Variants in NR3C2 observed in about 807,000 individuals in gnomAD.
NR3C2 encodes nuclear receptor subfamily 3 group C member 2.
A neutral mutation model predicts 86.4 loss-of-function variants in NR3C2; 15 were observed. The observed-to-expected ratio is 0.17, with a 90% confidence interval of 0.12 to 0.27. The LOEUF (loss-of-function observed/expected upper bound fraction) is 0.27. Ranked by LOEUF, NR3C2 falls within the 10% of genes least tolerant of loss-of-function variation. The pLI, the probability that NR3C2 is intolerant of heterozygous loss-of-function variation, is 1.00. For synonymous variants in NR3C2, 458 were observed against 450.5 expected (o/e 1.02, Z -0.21); for missense variants, 960 against 1,195.6 (o/e 0.80, Z 2.91).
chr4:148,259,503 G>A (rs1428632331), intron 3 of NR3C2, among the ~76,000 whole-genome samples: 3 of 152,162 alleles, frequency 2.0e-5, no homozygotes, highest in Non-Finnish European at 4.4e-5. Flanking sequence ...ACAGGGACCT[G>A]GAGCTTGAAC....
chr4:148,264,630 C>G (rs992467639), intron 2 of NR3C2, among the ~76,000 whole-genome samples: 5 of 152,154 alleles, frequency 3.3e-5, no homozygotes, highest in South Asian at 2.1e-4. Context: ...CACCTCTCCT[C>G]TCTGGGCCAT....
intron 2 of NR3C2, among the ~76,000 whole-genome samples, chr4:148,284,254 A>G (rs1376564088): frequency 6.6e-6 from 1 of 152,100 alleles, no homozygotes; most frequent in Non-Finnish European, 1.5e-5. Flanking sequence ...TGGGGATTCA[A>G]AAATTAGAAG....
At chr4:148,221,123 G>A (rs1486798392) in intron 3 of NR3C2, among the ~76,000 whole-genome samples, 5 of 152,202 alleles carry the variant, frequency 3.3e-5, no homozygotes, top group African/African-American at 7.2e-5. Context: ...CCGCCTCTGC[G>A]ATTATGTTTC....
At chr4:148,125,748 C>G (rs1013617301) in intron 6 of NR3C2, among the ~76,000 whole-genome samples, 1 of 151,928 alleles carries the variant, frequency 6.6e-6, no homozygotes. Context: ...ATGTGTCAAT[C>G]TTTGCTAAGC....
chr4:148,364,967 C>T (rs949668791), intron 2 of NR3C2, among the ~76,000 whole-genome samples: 2 of 152,120 alleles, frequency 1.3e-5, no homozygotes, highest in Non-Finnish European at 2.9e-5. Flanking sequence ...TAATTTTGTG[C>T]ATGAAACAAA....
intron 3 of NR3C2, among the ~76,000 whole-genome samples, chr4:148,215,920 T>C (rs555625520): frequency 2.6e-5 from 4 of 151,806 alleles, no homozygotes; most frequent in East Asian, 1.9e-4. Context: ...GCTGGGACTA[T>C]AGGCGCCCAC....
intron 2 of NR3C2, among the ~76,000 whole-genome samples, chr4:148,412,485 G>C (rs1027230619): frequency 2.6e-5 from 4 of 152,072 alleles, no homozygotes; most frequent in Non-Finnish European, 5.9e-5. Context: ...TTCAGATTTA[G>C]CCTTTCAATA....
chr4:148,269,642 A>C (rs528938776), intron 2 of NR3C2, among the ~76,000 whole-genome samples: 33 of 152,194 alleles, frequency 2.2e-4, no homozygotes, highest in Middle Eastern at 3.4e-3. Flanking sequence ...AACAACAAAA[A>C]ACCCCCCCAA....
In NR3C2 at chr4:148,295,024, T is replaced by C. The variant is rs57841317; in HGVS notation, c.1758-34907A>G. On this transcript the variant is annotated intron_variant, in intron 2 of 8. Coordinates refer to ENST00000358102, the MANE Select transcript of NR3C2 (RefSeq NM_000901.5). ...AATAAAAATCTACTTTCTAGTACCA[T>C]TAATCAGATGATGATGAAATAAGCA... 4.5e-3 allele frequency among the ~76,000 whole-genome samples: 684 copies of C among 152,138 alleles called. 5 individuals carry two copies. The highest frequency in any genetic ancestry group is 0.016 in the African/African-American group (656 of 41,514).
intron 4 of NR3C2, among the ~76,000 whole-genome samples, chr4:148,179,461 G>C (rs1735547648): frequency 6.6e-6 from 1 of 151,724 alleles, no homozygotes; most frequent in Non-Finnish European, 1.5e-5. Context: ...CAACATCCCT[G>C]AATTTTATAT....
intron 2 of NR3C2, among the ~76,000 whole-genome samples, chr4:148,363,521 T>TTTTTTTTTTTTTTTTTTTTTTTTTTTA (rs1579208008): frequency 6.7e-6 from 1 of 148,236 alleles, no homozygotes; most frequent in African/African-American, 2.5e-5. Context: ...TTTTTTTTTT[T>TTTTTTTTTTTTTTTTTTTTTTTTTTTA]GAGACGGAGT....
At chr4:148,113,878 G>A (rs1732153770) in intron 8 of NR3C2, among the ~76,000 whole-genome samples, 1 of 152,098 alleles carries the variant, frequency 6.6e-6, no homozygotes, top group Non-Finnish European at 1.5e-5. Context: ...TGGTTTTCTG[G>A]CACTACTCTT....
intron 2 of NR3C2, among the ~76,000 whole-genome samples, chr4:148,273,522 GT>G (rs751006376): frequency 1.3e-5 from 2 of 151,728 alleles, no homozygotes; most frequent in Non-Finnish European, 2.9e-5. Context: ...GGCATGTTGG[GT>G]TTTTTTTCTT....
At chr4:148,172,656 T>G (rs2149785178) in intron 4 of NR3C2, among the ~76,000 whole-genome samples, 1 of 152,100 alleles carries the variant, frequency 6.6e-6, no homozygotes, top group Middle Eastern at 3.4e-3. Context: ...TTTAATGGCA[T>G]GTTTGTTTAT....
intron 3 of NR3C2, among the ~76,000 whole-genome samples, chr4:148,244,598 C>T (rs774219133): frequency 1.3e-5 from 2 of 152,158 alleles, no homozygotes; most frequent in African/African-American, 4.8e-5. Context: ...GCAATTTCAT[C>T]CCAGGAACAC....
intron 3 of NR3C2, among the ~76,000 whole-genome samples, chr4:148,242,870 G>A (rs1481752870): frequency 2.0e-5 from 3 of 152,056 alleles, no homozygotes; most frequent in Non-Finnish European, 4.4e-5. Context: ...GATTTTCCAA[G>A]ACATTTTGTC....
At position 148,436,780 on chromosome 4, in the gene NR3C2, C is replaced by A; in HGVS notation, c.81G>T (p.Glu27Asp). 1 of 1,613,838 alleles carries A rather than the reference C, an allele frequency of 6.2e-7. No individual in the cohort carries two copies. The highest frequency in any genetic ancestry group is 8.5e-7 in the Non-Finnish European group (1 of 1,179,856). ...TCTCTGTAGGTCCCAGGGAAGAACG[C>A]TCCACAGCCTGAGAAACTTGACCCC... ...RRWGQVSQAV[E>D]RSSLGPTERT... Residue 27 changes from glutamate (E) to aspartate (D), a missense_variant, in exon 2 of 9, where the codon GAG (glutamate) becomes GAT (aspartate). By Grantham distance (45) the Glu-to-Asp change is conservative. This residue lies in a region of NR3C2 where 680 missense variants were observed against 719.0 expected (regional missense o/e 0.95). Coordinates refer to ENST00000358102, the MANE Select transcript of NR3C2 (RefSeq NM_000901.5).
At chr4:148,335,324 G>A (rs1744425982) in intron 2 of NR3C2, among the ~76,000 whole-genome samples, 1 of 152,156 alleles carries the variant, frequency 6.6e-6, no homozygotes, top group South Asian at 2.1e-4. Flanking sequence ...TATGAGACAT[G>A]TAAACTTACA....
upstream of NR3C2, chr4:148,445,004 C>G (rs556181784): frequency 1.0e-6 from 1 of 984,726 alleles, no homozygotes; most frequent in African/African-American, 1.7e-5. Context: ...CCTGCGCCCC[C>G]CTCCCCGGGT....
Sources: allele counts gnomAD v4.1 joint callset (sites outside exome capture counted in the v4.1 genomes callset), GRCh38; gene constraint gnomAD v4.1.1; regional missense constraint gnomAD v4.1.1; transcripts MANE v1.5; gene names NCBI Gene and HGNC (gene_info 2026-07-23, HGNC 2026-07-21).